Variants in SCGN observed in about 807,000 individuals in gnomAD.
The protein encoded by SCGN is secretagogin, EF-hand calcium binding protein.
Under a neutral mutation model 39.7 loss-of-function variants are expected in SCGN, and 30 were observed. That is an observed-to-expected ratio of 0.76 (90% CI 0.57 to 1.03). The LOEUF (loss-of-function observed/expected upper bound fraction) is 1.03, where lower values mean the gene tolerates loss of function less well. Ranked by LOEUF, SCGN falls within the 50% of genes least tolerant of loss-of-function variation. SCGN has a pLI of 0.00. For synonymous variants in SCGN, 106 were observed against 114.1 expected (o/e 0.93, Z 0.45); for missense variants, 353 against 349.4 (o/e 1.01, Z -0.08).
At chr6:25,695,738 C>T (rs190169738) in intron 10 of SCGN, among the ~76,000 whole-genome samples, 2 of 152,248 alleles carry the variant, frequency 1.3e-5, no homozygotes, top group East Asian at 3.9e-4. Flanking sequence ...ACCATGTTGG[C>T]CAGACTTGTC....
chr6:25,700,890 T>C (rs530426899), intron 10 of SCGN, among the ~76,000 whole-genome samples: 2 of 152,318 alleles, frequency 1.3e-5, no homozygotes, highest in African/African-American at 4.8e-5. Context: ...AAATTTATGA[T>C]CATAATTGCC....
chr6:25,661,395 T>G (rs1037747000), intron 2 of SCGN, among the ~76,000 whole-genome samples, 157 bp from the exon 3 acceptor site: 1 of 152,194 alleles, frequency 6.6e-6, no homozygotes, highest in South Asian at 2.1e-4. Flanking sequence ...TTGCTCTCTC[T>G]TCTACAAAAG....
At chr6:25,656,801 A>G (rs1038555963) in intron 2 of SCGN, among the ~76,000 whole-genome samples, 4 of 152,210 alleles carry the variant, frequency 2.6e-5, no homozygotes, top group African/African-American at 7.2e-5. Flanking sequence ...ACTAAAGGTA[A>G]TGTAGAATCT....
intron 6 of SCGN, among the ~76,000 whole-genome samples, chr6:25,673,546 C>T (rs1034199386): frequency 6.6e-6 from 1 of 152,148 alleles, no homozygotes; most frequent in Non-Finnish European, 1.5e-5. Flanking sequence ...AGTCTAGAGT[C>T]CTGGGAAGTA....
chr6:25,676,695 C>G (rs963375397), intron 6 of SCGN, among the ~76,000 whole-genome samples: 1 of 152,186 alleles, frequency 6.6e-6, no homozygotes, highest in Admixed American at 6.5e-5. Flanking sequence ...TCCTCCAGAG[C>G]ATTTAACATA....
At chr6:25,683,162 A>G (rs904430961) in intron 7 of SCGN, among the ~76,000 whole-genome samples, 2 of 152,122 alleles carry the variant, frequency 1.3e-5, no homozygotes, top group African/African-American at 4.8e-5. Flanking sequence ...AAGAGGGACA[A>G]AAGTGTTTCT....
intron 10 of SCGN, among the ~76,000 whole-genome samples, chr6:25,697,147 T>G (rs527601799): frequency 6.6e-6 from 1 of 152,180 alleles, no homozygotes; most frequent in Non-Finnish European, 1.5e-5. Context: ...GGAACACCAA[T>G]GTAATTTCTT....
chr6:25,664,813 C>A (rs12213891), intron 3 of SCGN, 130 bp from the exon 4 acceptor site: 5 of 606,490 alleles, frequency 8.2e-6, no homozygotes, highest in East Asian at 2.8e-5. Flanking sequence ...AACTGCAAAC[C>A]GAGCTGTTCA....
chr6:25,690,539 C>G (rs780240343), intron 9 of SCGN, among the ~76,000 whole-genome samples: 18 of 151,976 alleles, frequency 1.2e-4, no homozygotes, highest in Non-Finnish European at 2.6e-4. Flanking sequence ...TATAGATGTT[C>G]ATATTTGCAT....
At chr6:25,666,199 T>C (rs1445697914) in intron 4 of SCGN, among the ~76,000 whole-genome samples, 1 of 88,458 alleles carries the variant, frequency 1.1e-5, no homozygotes, top group Non-Finnish European at 2.4e-5. Context: ...AAAAAAAAAA[T>C]ACAAAAACTA....
chr6:25,677,327 T>G (rs1759577288), intron 6 of SCGN, among the ~76,000 whole-genome samples: 1 of 152,224 alleles, frequency 6.6e-6, no homozygotes, highest in Admixed American at 6.5e-5. Flanking sequence ...TTCTGGCTCT[T>G]CAATTACAAT....
Position 25,653,452 on chromosome 6 carries a change from T to C in SCGN, c.153T>C (p.Asp51=), listed in dbSNP as rs746274904. 2.5e-6 allele frequency: 4 copies of C among 1,608,798 alleles called. No homozygotes were observed. The highest frequency in any genetic ancestry group is 3.4e-6 in the Non-Finnish European group (4 of 1,175,482). ...ACATGTTGATGAAACTGGGTACTGATGTAAGTACTTGCACACTAAGCCTTA... is the reference window on the plus strand; with the variant it reads ...ACATGTTGATGAAACTGGGTACTGACGTAAGTACTTGCACACTAAGCCTTA... ...FLHMLMKLGT[D]DTVMKANLHK... is the part of the protein sequence containing the mutation. Residue 51 remains aspartate, a splice_region_variant and synonymous_variant, in exon 2 of 11, where the codon GAT becomes GAC. Coordinates refer to ENST00000377961, the MANE Select transcript of SCGN (RefSeq NM_006998.4).
chr6:25,653,134 A>G (rs1461213386), intron 1 of SCGN, among the ~76,000 whole-genome samples: 1 of 152,216 alleles, frequency 6.6e-6, no homozygotes, highest in Non-Finnish European at 1.5e-5. Flanking sequence ...ATTAAAATTC[A>G]TGTACTTAAT....
chr6:25,669,582 G>C lies in SCGN; in HGVS notation c.393+15G>C, dbSNP rs1485422452. The C allele has an allele frequency of 6.2e-7, 1 of 1,608,846 alleles. No homozygotes were observed. The highest frequency in any genetic ancestry group is 8.5e-7 in the Non-Finnish European group (1 of 1,175,422). The stretch of plus-strand genomic sequence containing the variant: ...CTGAGCTCCGCGTGAGTGTCACTGG[G>C]TGAAGGGTGGGTTTGTTTATCATTG... On this transcript the variant is annotated intron_variant, in intron 5 of 10. Transcript: ENST00000377961.
intron 8 of SCGN, 80 bp downstream of exon 8, chr6:25,689,297 G>A: frequency 3.4e-6 from 4 of 1,192,294 alleles, no homozygotes; most frequent in Non-Finnish European, 2.4e-6. Context: ...AGAAAGGAAG[G>A]CATCTATTTG....
intron 10 of SCGN, among the ~76,000 whole-genome samples, chr6:25,697,815 C>T (rs1355641765): frequency 2.0e-5 from 3 of 152,162 alleles, no homozygotes; most frequent in Admixed American, 1.3e-4. Context: ...TACATTTTTA[C>T]ATGAAAGATT....
chr6:25,685,689 A>T (rs1380694179), intron 7 of SCGN, among the ~76,000 whole-genome samples: 3 of 152,180 alleles, frequency 2.0e-5, no homozygotes, highest in African/African-American at 4.8e-5. Context: ...AGAGGCAGAC[A>T]TATTTGCTTT....
In SCGN at chr6:25,693,170, G is replaced by A. The variant is rs544575608; in HGVS notation, c.702+2046G>A. Among the ~76,000 whole-genome samples the A allele has an allele frequency of 1.2e-4, 18 of 152,108 alleles. No homozygotes were observed. In the South Asian group the frequency reaches 3.3e-3, roughly 28 times the overall value. On this transcript the variant is annotated intron_variant, in intron 10 of 10. Transcript: ENST00000377961. ...CTTTATTATTTTATTAGAACAAAGC[G>A]GCCGGGCGCGGTGGCTCATGCCTGT...
rs569021830 is a variant in SCGN at position 25,695,526 on chromosome 6, A to G, written c.702+4402A>G. On this transcript the variant is annotated intron_variant, in intron 10 of 10. Coordinates refer to ENST00000377961, the MANE Select transcript of SCGN (RefSeq NM_006998.4). ...TCATATGCACAATAATTTCTGTACA[A>G]GATTTTTGTTTGTTTGTTTTTGAGA... Among the ~76,000 whole-genome samples the G allele has an allele frequency of 4.8e-4, 73 of 152,196 alleles. 1 individual carries two copies. Among genetic ancestry groups the G allele is most frequent in the Middle Eastern group, 3.4e-3 (1 of 294 alleles).
Sources: allele counts gnomAD v4.1 joint callset (sites outside exome capture counted in the v4.1 genomes callset), GRCh38; gene constraint gnomAD v4.1.1; transcripts MANE v1.5; gene names NCBI Gene and HGNC (gene_info 2026-07-23, HGNC 2026-07-21).